The following ANKRD45 variants were observed in gnomAD, a reference collection of about 807,000 sequenced individuals.
The protein encoded by ANKRD45 is ankyrin repeat domain-containing protein 45.
Under a neutral mutation model 28.1 loss-of-function variants are expected in ANKRD45, and 21 were observed. That is an observed-to-expected ratio of 0.75 (90% CI 0.53 to 1.08). The LOEUF (loss-of-function observed/expected upper bound fraction) is 1.08. ANKRD45 is among the 50% of genes least tolerant of loss of function. The probability of loss-of-function intolerance (pLI) is 0.00; values close to 1 mark genes in which losing one functional copy is unlikely to be tolerated. For synonymous variants in ANKRD45, 86 were observed against 103.9 expected (o/e 0.83, Z 1.05); for missense variants, 261 against 308.7 (o/e 0.85, Z 1.16).
At chr1:173,706,324 C>T in the ANKRD45 span, among the ~76,000 whole-genome samples, 1 of 148,828 alleles carries the variant, frequency 6.7e-6, no homozygotes, top group Admixed American at 6.7e-5. Flanking sequence ...AAAAAAGATC[C>T]TCCTTGTTTT....
In ANKRD45 at chr1:173,666,618, C is replaced by T. The variant is rs532003860; in HGVS notation, c.-16+3199G>A. 3.9e-5 allele frequency among the ~76,000 whole-genome samples: 6 copies of T among 152,196 alleles called. No individual in the cohort carries two copies. The South Asian group carries it at 6.2e-4, about 16-fold the overall frequency. The stretch of plus-strand genomic sequence containing the variant: ...AATGACAAGAGAAAAAGTCTGTATA[C>T]GTTTAGTACAAACACAACCATCCAT... On this transcript the variant is annotated intron_variant, in intron 1 of 5. Coordinates refer to ENST00000333279, the MANE Select transcript of ANKRD45 (RefSeq NM_198493.3).
At chr1:173,656,964 T>C (rs981970858) in intron 2 of ANKRD45, among the ~76,000 whole-genome samples, 5 of 148,512 alleles carry the variant, frequency 3.4e-5, no homozygotes, top group South Asian at 2.2e-4. Flanking sequence ...AGGAAGAGCA[T>C]TGCTTGAGCC....
chr1:173,656,951 C>T (rs962970405), intron 2 of ANKRD45, among the ~76,000 whole-genome samples: 4 of 148,264 alleles, frequency 2.7e-5, no homozygotes, highest in African/African-American at 7.4e-5. Flanking sequence ...TTTGGGAGGC[C>T]GAAGGAAGAG....
chr1:173,635,776 TGTCTTCTTC>T, intron 3 of ANKRD45: 1 of 1,535,562 alleles, frequency 6.5e-7, no homozygotes, highest in Non-Finnish European at 8.7e-7. Flanking sequence ...TATTACAAGC[TGTCTTCTTC>T]GTCTTATTTG....
chr1:173,663,398 T>A lies in ANKRD45; in HGVS notation c.-15-3965A>T, dbSNP rs1669872233. Among the ~76,000 whole-genome samples the A allele has an allele frequency of 2.0e-5, 3 of 152,298 alleles. No individual in the cohort carries two copies. The South Asian group carries it at 6.2e-4, about 32-fold the overall frequency. On this transcript the variant is annotated intron_variant, in intron 1 of 5. Transcript: ENST00000333279. ...TTCTTGTGGTCTGATCCTCCACAGT[T>A]CCCTTGGTTTCCTCATTTTCAGCCT...
chr1:173,643,200 G>A (rs1040044293), intron 3 of ANKRD45, among the ~76,000 whole-genome samples: 2 of 137,424 alleles, frequency 1.5e-5, no homozygotes, highest in Admixed American at 1.5e-4. Flanking sequence ...TTGAGACAGA[G>A]TCTCACTCTG....
chr1:173,647,096 A>T (rs1167719840), intron 2 of ANKRD45, 83 bp from the exon 3 acceptor site: 1 of 1,347,746 alleles, frequency 7.4e-7, no homozygotes, highest in African/African-American at 1.5e-5. Flanking sequence ...CATAATGGTG[A>T]TCAAGTATTG....
chr1:173,655,640 G>T (rs1407760373), intron 2 of ANKRD45, among the ~76,000 whole-genome samples: 1 of 152,234 alleles, frequency 6.6e-6, no homozygotes, highest in African/African-American at 2.4e-5. Flanking sequence ...CTTCAGACCT[G>T]TCAGACGGGA....
chr1:173,707,369 A>G, the ANKRD45 span, among the ~76,000 whole-genome samples: 4 of 150,950 alleles, frequency 2.6e-5, no homozygotes, highest in African/African-American at 7.3e-5. Flanking sequence ...GCCTTGCTCT[A>G]TCACCCAGGC....
intron 2 of ANKRD45, among the ~76,000 whole-genome samples, chr1:173,653,101 G>T (rs1193531616): frequency 2.6e-5 from 4 of 152,016 alleles, no homozygotes; most frequent in African/African-American, 7.3e-5. Flanking sequence ...ATCTCCTTCA[G>T]TTCTGCTCTG....
At position 173,615,697 on chromosome 1, in the gene ANKRD45, C is replaced by T. The variant is rs545644218; in HGVS notation, c.731-5482G>A. Among the ~76,000 whole-genome samples the T allele has an allele frequency of 7.2e-5, 11 of 152,028 alleles. No homozygotes were observed. The South Asian group carries it at 2.3e-3, about 32-fold the overall frequency. ...ATCAGTTTATAACTCAGCAATATAC[C>T]AAAGAAAAAGGAAAACATGTGACCA... On this transcript the variant is annotated intron_variant, in intron 5 of 5. Coordinates refer to ENST00000333279, the MANE Select transcript of ANKRD45 (RefSeq NM_198493.3).
At chr1:173,679,695 G>A in the ANKRD45 span, among the ~76,000 whole-genome samples, 2 of 152,252 alleles carry the variant, frequency 1.3e-5, no homozygotes, top group East Asian at 3.9e-4. Context: ...ATAGACAAAT[G>A]GGATCTAATT....
chr1:173,659,983 A>T (rs926483317), intron 1 of ANKRD45, among the ~76,000 whole-genome samples: 1 of 152,236 alleles, frequency 6.6e-6, no homozygotes, highest in Admixed American at 6.5e-5. Context: ...GCACAAAATA[A>T]GTGTAATAAA....
the ANKRD45 span, among the ~76,000 whole-genome samples, chr1:173,675,802 C>A: frequency 2.0e-5 from 3 of 152,162 alleles, no homozygotes; most frequent in African/African-American, 4.8e-5. Flanking sequence ...TGCTTTATTA[C>A]ACTTCACCTG....
chr1:173,712,974 C>CT, the ANKRD45 span, among the ~76,000 whole-genome samples: 4 of 152,170 alleles, frequency 2.6e-5, no homozygotes, highest in Non-Finnish European at 5.9e-5. Context: ...CAGGACAACA[C>CT]TTTGAGAATC....
the ANKRD45 span, among the ~76,000 whole-genome samples, chr1:173,703,322 G>A: frequency 6.6e-6 from 1 of 151,750 alleles, no homozygotes; most frequent in Non-Finnish European, 1.5e-5. Flanking sequence ...TCCTGCCTCA[G>A]CCTCCCGAGT....
At chr1:173,648,097 G>A (rs1019666295) in intron 2 of ANKRD45, among the ~76,000 whole-genome samples, 1 of 152,036 alleles carries the variant, frequency 6.6e-6, no homozygotes, top group Non-Finnish European at 1.5e-5. Context: ...GCAGCACCAC[G>A]CCCAGCTTAT....
the ANKRD45 span, among the ~76,000 whole-genome samples, chr1:173,676,429 G>C: frequency 8.4e-3 from 1,279 of 152,232 alleles, 19 homozygotes; most frequent in African/African-American, 0.03. Context: ...TAAACAAAAA[G>C]TTAAAAAGAT....
the ANKRD45 span, among the ~76,000 whole-genome samples, chr1:173,700,263 C>A: frequency 1.3e-5 from 2 of 152,092 alleles, no homozygotes; most frequent in Admixed American, 1.3e-4. Context: ...AATTTATAGA[C>A]TCAATGCCAT....
Sources: gnomAD v4.1 joint callset for allele counts (sites outside exome capture counted in the v4.1 genomes callset) on GRCh38, gnomAD v4.1.1 for gene constraint, MANE v1.5 for transcripts, NCBI Gene and HGNC (gene_info 2026-07-23, HGNC 2026-07-21) for gene names.